The following NTM variants were observed in gnomAD, a reference collection of about 807,000 sequenced individuals.
NTM encodes the protein IgLON family member 2.
Under a neutral mutation model 42.1 loss-of-function variants are expected in NTM, and 13 were observed. The observed-to-expected ratio is 0.31, with a 90% CI of 0.20 to 0.49. The LOEUF is 0.49. Ranked by LOEUF, NTM falls within the 20% of genes least tolerant of loss-of-function variation. NTM has a pLI of 0.99. For synonymous variants in NTM, 187 were observed against 179.2 expected (o/e 1.04, Z -0.35); for missense variants, 373 against 452.8 (o/e 0.82, Z 1.60).
At position 131,563,842 on chromosome 11, in the gene NTM, T is replaced by C. The variant is rs538900662; in HGVS notation, c.82+192954T>C. ...TTTTCTGTCCATGAGGCTTAATGAA[T>C]GGCCTGGCTCTCTATGCTAGGTTCC... On this transcript the variant is annotated intron_variant, in intron 1 of 8. Transcript: ENST00000683400. Among the ~76,000 whole-genome samples, 8 of 152,232 alleles carry C rather than the reference T, an allele frequency of 5.3e-5. No individual in the cohort carries two copies. The East Asian group carries it at 1.2e-3, about 22-fold the overall frequency.
chr11:132,243,799 T>C lies in NTM; in HGVS notation c.526+31652T>C, dbSNP rs183818710. On this transcript the variant is annotated intron_variant, in intron 4 of 8. Transcript: ENST00000683400. ...TGGAGGGTCATGGAAGGGGAGACTC[T>C]TGCCCAGTAGTCCACAAGAGGGCTA... Among the ~76,000 whole-genome samples the C allele has an allele frequency of 3.9e-4, 60 of 152,276 alleles. 3 individuals are homozygous for C. The highest frequency in any genetic ancestry group is 2.9e-3 in the East Asian group (15 of 5,168).
At chr11:131,814,883 A>G (rs1253904908) in intron 1 of NTM, among the ~76,000 whole-genome samples, 3 of 152,166 alleles carry the variant, frequency 2.0e-5, no homozygotes, top group Admixed American at 6.5e-5. Context: ...GCAATCACCA[A>G]GTAAACTCTG....
At chr11:132,004,727 G>A (rs1007972953) in intron 2 of NTM, among the ~76,000 whole-genome samples, 1 of 151,526 alleles carries the variant, frequency 6.6e-6, no homozygotes, top group African/African-American at 2.4e-5. Context: ...TGTGTGGTAG[G>A]ATCACAATCA....
chr11:131,578,017 C>T (rs1211832220), intron 1 of NTM, among the ~76,000 whole-genome samples: 1 of 152,166 alleles, frequency 6.6e-6, no homozygotes, highest in Non-Finnish European at 1.5e-5. Context: ...TACTGAACAA[C>T]TAACTGATCA....
intron 1 of NTM, among the ~76,000 whole-genome samples, chr11:131,770,012 C>T (rs1208089179): frequency 6.6e-6 from 1 of 152,160 alleles, no homozygotes; most frequent in Non-Finnish European, 1.5e-5. Context: ...GCAGATCTCT[C>T]CTTCCCTCTG....
intron 4 of NTM, among the ~76,000 whole-genome samples, chr11:132,218,063 C>T (rs894813993): frequency 3.3e-5 from 5 of 152,116 alleles, no homozygotes; most frequent in East Asian, 1.9e-4. Flanking sequence ...AGAGCTCTGG[C>T]GTGCCATCGG....
rs900897897 is a variant in NTM, at chr11:132,314,635, A to T, written c.866A>T (p.Asp289Val). The change falls in exon 7 of 9, where the codon GAC becomes GTC. Residue 289 changes from aspartate to valine, a missense_variant. Transcript: ENST00000683400. ...ATCTTCTTCAATGTCTCTGAACATG[A>T]CTATGGGAACTACACTTGCGTGGCC... is the stretch of plus-strand genomic sequence containing the variant. ...KLIFFNVSEH[D>V]YGNYTCVASN... The T allele has an allele frequency of 6.2e-7, 1 of 1,613,994 alleles. No homozygotes were observed. Among genetic ancestry groups the T allele is most frequent in the East Asian group, 2.2e-5 (1 of 44,886 alleles).
In NTM at chr11:131,679,413, G is replaced by A. The variant is rs377491713; in HGVS notation, c.83-232151G>A. Reference sequence around the variant, plus strand: ...GCCTGCCAATCCCAATCATTTTTACGGCCTTTAGAAGGTACTGGGTTGAGA... The same window carrying A: ...GCCTGCCAATCCCAATCATTTTTACAGCCTTTAGAAGGTACTGGGTTGAGA... On this transcript the variant is annotated intron_variant, in intron 1 of 8. Coordinates refer to ENST00000683400, the MANE Select transcript of NTM (RefSeq NM_001352005.2). 2.6e-5 allele frequency among the ~76,000 whole-genome samples: 4 copies of A among 151,986 alleles called. No individual in the cohort carries two copies. In the South Asian group the frequency reaches 6.2e-4, roughly 24 times the overall value.
intron 3 of NTM, among the ~76,000 whole-genome samples, chr11:132,157,005 C>T (rs1008430331): frequency 6.6e-5 from 10 of 152,180 alleles, no homozygotes; most frequent in South Asian, 2.1e-4. Flanking sequence ...CCATAGCCAG[C>T]GGAAGCTGGG....
rs2137330297 is a variant in NTM at position 132,146,308 on chromosome 11, G to A, written c.194G>A (p.Arg65Gln). 5 of 1,614,132 alleles carry A rather than the reference G, an allele frequency of 3.1e-6. No individual in the cohort carries two copies. Among genetic ancestry groups the A allele is most frequent in the East Asian group, 2.2e-5 (1 of 44,878 alleles). Residue 65 changes from arginine (R) to glutamine (Q), a missense_variant, in exon 3 of 9, where the codon CGG becomes CAG. By Grantham distance (43) the Arg-to-Gln change is conservative. Around this residue, in one of 3 missense-constraint regions of NTM, gnomAD observed 32 missense variants for 68.8 expected, o/e 0.47. Transcript: ENST00000683400. This position sits in a 1 kb window ranked among gnomAD's most constrained non-coding sequence, Gnocchi z 4.5. ...TGCACTATTGACAACCGGGTCACCC[G>A]GGTGGCCTGGCTAAACCGCAGCACC... Reference protein sequence around the residue: ...LRCTIDNRVTRVAWLNRSTIL... With the variant: ...LRCTIDNRVTQVAWLNRSTIL...
intron 1 of NTM, among the ~76,000 whole-genome samples, chr11:131,529,752 C>G (rs1302489585): frequency 6.6e-6 from 1 of 152,198 alleles, no homozygotes; most frequent in African/African-American, 2.4e-5. Context: ...CGCCCACCTA[C>G]CCTTAGATAC....
At chr11:131,869,205 G>A (rs1464043707) in intron 1 of NTM, among the ~76,000 whole-genome samples, 4 of 152,142 alleles carry the variant, frequency 2.6e-5, no homozygotes, top group African/African-American at 9.7e-5. Flanking sequence ...CGTCAGGCAA[G>A]TTTATCTCCC....
chr11:132,086,254 G>T (rs1245720167), intron 2 of NTM, among the ~76,000 whole-genome samples: 3 of 150,422 alleles, frequency 2.0e-5, no homozygotes, highest in African/African-American at 7.4e-5. Flanking sequence ...AACCCAGGAG[G>T]CGGAGCTTGC....
At chr11:131,690,824 C>A (rs2074575826) in intron 1 of NTM, among the ~76,000 whole-genome samples, 1 of 152,274 alleles carries the variant, frequency 6.6e-6, no homozygotes, top group South Asian at 2.1e-4. Context: ...AGGCACACGG[C>A]GGGTGAAGAC....
intron 2 of NTM, among the ~76,000 whole-genome samples, chr11:131,934,661 G>A (rs1176526368): frequency 1.3e-5 from 2 of 152,180 alleles, no homozygotes; most frequent in East Asian, 3.9e-4. Context: ...TGGCTGGTGG[G>A]CTAGTGGATG....
At chr11:131,662,542 C>T (rs1252028137) in intron 1 of NTM, 1 of 152,222 alleles carries the variant, frequency 6.6e-6, no homozygotes, top group Non-Finnish European at 1.5e-5. Flanking sequence ...TAGAAACTGC[C>T]CAACATGGTA....
chr11:132,054,731 T>A (rs1214704609), intron 2 of NTM, among the ~76,000 whole-genome samples: 4 of 152,200 alleles, frequency 2.6e-5, no homozygotes, highest in Non-Finnish European at 5.9e-5. Context: ...AACTTGAGAT[T>A]TATAAGCATT....
intron 1 of NTM, among the ~76,000 whole-genome samples, chr11:131,575,324 C>T (rs1401583498): frequency 6.6e-6 from 1 of 152,182 alleles, no homozygotes; most frequent in Non-Finnish European, 1.5e-5. Flanking sequence ...TTAAACCTTT[C>T]TTCCAAAAGT....
intron 1 of NTM, among the ~76,000 whole-genome samples, chr11:131,789,951 G>A (rs577492210): frequency 8.7e-4 from 72 of 83,190 alleles, no homozygotes; most frequent in African/African-American, 3.7e-3. Flanking sequence ...GCGAGACTCC[G>A]TCTCAAAAAA....
Sources: gnomAD v4.1 joint callset for allele counts (sites outside exome capture counted in the v4.1 genomes callset) on GRCh38, gnomAD v4.1.1 for gene constraint, gnomAD v4.1.1 regional missense constraint, Gnocchi (gnomAD v3.1) non-coding constraint, MANE v1.5 for transcripts, NCBI Gene and HGNC (gene_info 2026-07-23, HGNC 2026-07-21) for gene names.